The following KHDRBS2 variants were observed in gnomAD, a reference collection of about 807,000 sequenced individuals.
The protein encoded by KHDRBS2 is KH RNA binding domain containing, signal transduction associated 2.
A neutral mutation model predicts 44.3 loss-of-function variants in KHDRBS2; 26 were observed. That is an observed-to-expected ratio of 0.59 (90% confidence interval 0.43 to 0.81). The LOEUF (loss-of-function observed/expected upper bound fraction) is 0.81. KHDRBS2 is among the 40% of genes least tolerant of loss of function. The pLI, the probability that KHDRBS2 is intolerant of heterozygous loss-of-function variation, is 0.00. For synonymous variants in KHDRBS2, 194 were observed against 151.1 expected, an observed-to-expected ratio of 1.28 and a Z score of -2.08; for missense variants, 476 against 433.1, an observed-to-expected ratio of 1.10 and a Z score of -0.88.
At chr6:62,278,554 T>C (rs1304165624) in intron 1 of KHDRBS2, among the ~76,000 whole-genome samples, 1 of 152,166 alleles carries the variant, frequency 6.6e-6, no homozygotes, top group Non-Finnish European at 1.5e-5. Context: ...AATATTAATG[T>C]ACAAGGCCTA....
chr6:61,879,818 C>T, intron 6 of KHDRBS2, among the ~76,000 whole-genome samples: 1 of 151,866 alleles, frequency 6.6e-6, no homozygotes, highest in African/African-American at 2.4e-5. Context: ...ATAAGTTCAT[C>T]TTTATCTTCT....
At chr6:62,084,562 A>T (rs1188678446) in intron 2 of KHDRBS2, among the ~76,000 whole-genome samples, 1 of 152,196 alleles carries the variant, frequency 6.6e-6, no homozygotes. Context: ...TTGAGTCTGG[A>T]AATATGAAAA....
At chr6:62,165,561 A>C (rs1211227427) in intron 2 of KHDRBS2, among the ~76,000 whole-genome samples, 1 of 151,884 alleles carries the variant, frequency 6.6e-6, no homozygotes, top group Non-Finnish European at 1.5e-5. Context: ...TGCATTCCTG[A>C]AATGAACTAC....
the KHDRBS2 span, among the ~76,000 whole-genome samples, chr6:61,586,615 T>A: frequency 6.6e-6 from 1 of 152,192 alleles, no homozygotes; most frequent in Non-Finnish European, 1.5e-5. Flanking sequence ...TTGATATCAA[T>A]CTATGACATT....
In KHDRBS2 at chr6:62,061,328, T is replaced by C. The variant is rs1791804600; in HGVS notation, c.220-13334A>G. Among the ~76,000 whole-genome samples, 5 of 151,986 alleles carry C rather than the reference T, an allele frequency of 3.3e-5. No individual in the cohort carries two copies. In the South Asian group the frequency reaches 1.0e-3, roughly 32 times the overall value. On this transcript the variant is annotated intron_variant, in intron 2 of 8. Coordinates refer to ENST00000281156, the MANE Select transcript of KHDRBS2 (RefSeq NM_152688.4). The stretch of plus-strand genomic sequence containing the variant: ...GGCTGGTACCGGTTGTTCCTTTCCA[T>C]GTTCAGCGCTTCCTTCAGGAGCTCT...
At chr6:62,219,837 G>A (rs1396716847) in intron 1 of KHDRBS2, among the ~76,000 whole-genome samples, 1 of 146,506 alleles carries the variant, frequency 6.8e-6, no homozygotes, top group Admixed American at 6.9e-5. Flanking sequence ...ATATATAATT[G>A]TATATATATA....
At chr6:61,981,576 T>G (rs1296831111) in intron 3 of KHDRBS2, among the ~76,000 whole-genome samples, 8 of 152,160 alleles carry the variant, frequency 5.3e-5, no homozygotes, top group Non-Finnish European at 1.0e-4. Context: ...AGTGGATAAC[T>G]AAAGTATTGT....
the KHDRBS2 span, among the ~76,000 whole-genome samples, chr6:61,586,852 A>C: frequency 6.6e-6 from 1 of 152,142 alleles, no homozygotes; most frequent in Non-Finnish European, 1.5e-5. Context: ...TTCATCCTTG[A>C]ACTTCTCTGT....
At chr6:62,074,588 T>C (rs1254812342) in intron 2 of KHDRBS2, among the ~76,000 whole-genome samples, 1 of 151,908 alleles carries the variant, frequency 6.6e-6, no homozygotes, top group Non-Finnish European at 1.5e-5. Context: ...CTAACTTTTA[T>C]TTTCTATCTT....
the KHDRBS2 span, among the ~76,000 whole-genome samples, chr6:61,554,431 C>T: frequency 2.6e-5 from 4 of 152,004 alleles, no homozygotes; most frequent in Non-Finnish European, 5.9e-5. Flanking sequence ...TTGAAGACAA[C>T]AAACCATTTA....
intron 3 of KHDRBS2, among the ~76,000 whole-genome samples, chr6:61,983,819 A>T (rs1774477019): frequency 1.3e-5 from 2 of 152,190 alleles, no homozygotes; most frequent in South Asian, 4.1e-4. Flanking sequence ...TACTGTAAAG[A>T]CAAGGTTTAT....
At chr6:61,972,563 C>T (rs193241349) in intron 4 of KHDRBS2, among the ~76,000 whole-genome samples, 77 of 152,236 alleles carry the variant, frequency 5.1e-4, no homozygotes, top group African/African-American at 1.9e-3. Flanking sequence ...TTTGAGATAG[C>T]AGTATGAGGG....
the KHDRBS2 span, among the ~76,000 whole-genome samples, chr6:61,549,024 T>C: frequency 6.6e-6 from 1 of 152,132 alleles, no homozygotes; most frequent in African/African-American, 2.4e-5. Context: ...GCATGGCATG[T>C]AGCTTCTGGT....
At chr6:62,016,830 T>A (rs1781299933) in intron 3 of KHDRBS2, among the ~76,000 whole-genome samples, 1 of 152,082 alleles carries the variant, frequency 6.6e-6, no homozygotes, top group Non-Finnish European at 1.5e-5. Context: ...TCAGCCATGC[T>A]ATAACATTAC....
chr6:61,821,878 T>C (rs1789973873), intron 6 of KHDRBS2, among the ~76,000 whole-genome samples: 1 of 151,990 alleles, frequency 6.6e-6, no homozygotes, highest in Non-Finnish European at 1.5e-5. Context: ...CTGAAGTTGT[T>C]TAAGGCTTGA....
chr6:62,205,211 C>A (rs1827738395), intron 1 of KHDRBS2, among the ~76,000 whole-genome samples: 2 of 152,094 alleles, frequency 1.3e-5, no homozygotes, highest in African/African-American at 4.8e-5. Flanking sequence ...CTGGCTACTG[C>A]TACTACTATG....
intron 2 of KHDRBS2, among the ~76,000 whole-genome samples, chr6:62,049,258 A>G (rs1788435646): frequency 6.6e-6 from 1 of 151,966 alleles, no homozygotes; most frequent in Non-Finnish European, 1.5e-5. Context: ...AGTGTTTTCA[A>G]CAAATGGTAA....
Position 62,041,286 on chromosome 6 carries a change from G to A in KHDRBS2, c.336+6592C>T, listed in dbSNP as rs542962607. Reference sequence around the variant, plus strand: ...GTGGAGGTTGTAGTGAGCCGAGACTGCACCACTACACTCTAGCCTGGGCAG... The same window carrying A: ...GTGGAGGTTGTAGTGAGCCGAGACTACACCACTACACTCTAGCCTGGGCAG... On this transcript the variant is annotated intron_variant, in intron 3 of 8. Coordinates refer to ENST00000281156, the MANE Select transcript of KHDRBS2 (RefSeq NM_152688.4). 2.0e-5 allele frequency among the ~76,000 whole-genome samples: 3 copies of A among 152,020 alleles called. No individual in the cohort carries two copies. The East Asian group carries it at 5.8e-4, about 30-fold the overall frequency.
chr6:62,126,275 G>A (rs1012502485), intron 2 of KHDRBS2, among the ~76,000 whole-genome samples: 1 of 152,200 alleles, frequency 6.6e-6, no homozygotes, highest in South Asian at 2.1e-4. Context: ...GAAAAAAGGA[G>A]GGAAATGTGG....
Sources: gnomAD v4.1 joint callset for allele counts (sites outside exome capture counted in the v4.1 genomes callset) on GRCh38, gnomAD v4.1.1 for gene constraint, MANE v1.5 for transcripts, NCBI Gene and HGNC (gene_info 2026-07-23, HGNC 2026-07-21) for gene names.